PRKCB: variants seen among roughly 807,000 people sequenced by gnomAD.
PRKCB encodes protein kinase C beta type.
In PRKCB, 13 loss-of-function variants were observed where a neutral mutation model predicts 81.5. The observed-to-expected ratio is 0.16, with a 90% confidence interval of 0.10 to 0.25. The LOEUF (loss-of-function observed/expected upper bound fraction) is 0.25, where lower values mean the gene tolerates loss of function less well. Among genes scored for constraint, PRKCB ranks in the 10% least tolerant of loss-of-function variants. The pLI is 1.00. For synonymous variants in PRKCB, 335 were observed against 321.4 expected, an observed-to-expected ratio of 1.04 and a Z score of -0.45; for missense variants, 509 against 875.7, an observed-to-expected ratio of 0.58 and a Z score of 5.29.
At chr16:24,133,536 G>A (rs1261371976) in intron 9 of PRKCB, among the ~76,000 whole-genome samples, 1 of 152,088 alleles carries the variant, frequency 6.6e-6, no homozygotes, top group Non-Finnish European at 1.5e-5. Context: ...TCCTTAGCTG[G>A]TTCCTTTTCA....
intron 2 of PRKCB, among the ~76,000 whole-genome samples, chr16:23,980,429 A>G (rs972690665): frequency 6.6e-6 from 1 of 152,350 alleles, no homozygotes; most frequent in Non-Finnish European, 1.5e-5. Flanking sequence ...TCCAACTTAA[A>G]TGCCCTTTTC....
intron 3 of PRKCB, among the ~76,000 whole-genome samples, chr16:24,021,091 T>TTTCTC (rs1965375606): frequency 1.7e-5 from 1 of 58,050 alleles, no homozygotes; most frequent in African/African-American, 7.5e-5. Flanking sequence ...TTCTTTCTTT[T>TTTCTC]TTTCTTTCTT....
At chr16:24,182,902 T>TGTGTGTGTGTGTGTG (rs56902454) in intron 13 of PRKCB, among the ~76,000 whole-genome samples, 27 of 151,530 alleles carry the variant, frequency 1.8e-4, no homozygotes, top group Non-Finnish European at 2.7e-4. Flanking sequence ...TGTGTGTGTG[T>TGTGTGTGTGTGTGTG]TTGAGACAGG....
intron 16 of PRKCB, among the ~76,000 whole-genome samples, chr16:24,209,078 G>A (rs897901280): frequency 6.6e-6 from 1 of 152,024 alleles, no homozygotes; most frequent in African/African-American, 2.4e-5. Flanking sequence ...CCTCTGGGGA[G>A]GCCCAGGCGA....
In PRKCB at chr16:24,218,388, C is replaced by CA. The variant is rs957565642; in HGVS notation, c.*3577dup. On this transcript the variant is annotated 3_prime_UTR_variant, in exon 17 of 17. Transcript: ENST00000643927. ...CAGGCTAACAGCAAGCAGGACAAGACAAAAAGGGCAGGTGGGACATGGTAG... is the reference window on the plus strand; with the variant it reads ...CAGGCTAACAGCAAGCAGGACAAGACAAAAAAGGGCAGGTGGGACATGGTAG... 11 of 985,064 alleles carry CA rather than the reference C, an allele frequency of 1.1e-5. No individual in the cohort carries two copies. In the African/African-American group the frequency reaches 1.6e-4, roughly 14 times the overall value. The allele number at this position is 985,064 out of a possible 1,614,324, so 61.0% of individuals were successfully genotyped here. A position where few individuals can be genotyped will look rare whatever the true frequency, so the allele number is the denominator to read the frequency against.
chr16:24,124,679 G>C (rs1966839566), intron 9 of PRKCB, among the ~76,000 whole-genome samples: 1 of 152,140 alleles, frequency 6.6e-6, no homozygotes, highest in Admixed American at 6.5e-5. Flanking sequence ...GACTCATTTA[G>C]TGTTGTTTTG....
At chr16:24,169,864 C>T (rs973543766) in intron 10 of PRKCB, among the ~76,000 whole-genome samples, 1 of 152,106 alleles carries the variant, frequency 6.6e-6, no homozygotes, top group Non-Finnish European at 1.5e-5. Flanking sequence ...GCAACCTCCA[C>T]CTCCCAGGTT....
intron 2 of PRKCB, among the ~76,000 whole-genome samples, chr16:23,906,292 A>G (rs1963559692): frequency 6.6e-6 from 1 of 151,596 alleles, no homozygotes; most frequent in South Asian, 2.1e-4. Context: ...GCTTATGAGA[A>G]CATTTTTATG....
At chr16:23,861,002 A>G (rs1258458260) in intron 2 of PRKCB, among the ~76,000 whole-genome samples, 1 of 152,180 alleles carries the variant, frequency 6.6e-6, no homozygotes, top group Non-Finnish European at 1.5e-5. Context: ...TAATGCATGC[A>G]AATCTCCCTT....
At chr16:24,212,403 A>T (rs1294953519) in intron 16 of PRKCB, among the ~76,000 whole-genome samples, 2 of 49,512 alleles carry the variant, frequency 4.0e-5, no homozygotes, top group Non-Finnish European at 7.2e-5. Flanking sequence ...TCTGTGCTTT[A>T]AAAAAAAAAA....
chr16:24,113,517 C>G (rs1298112387), intron 8 of PRKCB, among the ~76,000 whole-genome samples: 1 of 149,024 alleles, frequency 6.7e-6, no homozygotes, highest in Non-Finnish European at 1.5e-5. Context: ...TTCTTTCCCT[C>G]CTTCCTCCCT....
intron 9 of PRKCB, among the ~76,000 whole-genome samples, chr16:24,145,469 C>T (rs919734196): frequency 6.6e-6 from 1 of 152,084 alleles, no homozygotes; most frequent in Non-Finnish European, 1.5e-5. Context: ...AGAGGGGAAG[C>T]AGAAAACAGG....
At chr16:23,928,936 C>T (rs1006032982) in intron 2 of PRKCB, among the ~76,000 whole-genome samples, 1 of 151,978 alleles carries the variant, frequency 6.6e-6, no homozygotes, top group Non-Finnish European at 1.5e-5. Flanking sequence ...CCAGGCTGTT[C>T]CCGACCTCCT....
intron 16 of PRKCB, among the ~76,000 whole-genome samples, chr16:24,207,595 G>A (rs1307737550): frequency 6.6e-6 from 1 of 152,112 alleles, no homozygotes; most frequent in African/African-American, 2.4e-5. Flanking sequence ...TTTTAAGAAT[G>A]TTTTGCATGG....
intron 5 of PRKCB, among the ~76,000 whole-genome samples, chr16:24,091,367 C>A (rs901026847): frequency 6.6e-6 from 1 of 152,110 alleles, no homozygotes; most frequent in Non-Finnish European, 1.5e-5. Context: ...TAGTTAGAGT[C>A]GATTTGGATT....
chr16:24,000,627 C>A (rs1028938428), intron 3 of PRKCB, among the ~76,000 whole-genome samples: 2 of 151,946 alleles, frequency 1.3e-5, no homozygotes, highest in African/African-American at 4.8e-5. Context: ...ATTTCAAAGC[C>A]CTTACATGAA....
At chr16:24,067,407 C>A (rs1349465089) in intron 5 of PRKCB, among the ~76,000 whole-genome samples, 1 of 151,752 alleles carries the variant, frequency 6.6e-6, no homozygotes, top group African/African-American at 2.4e-5. Flanking sequence ...TCAAGCAATC[C>A]TCCCACCTCA....
intron 3 of PRKCB, among the ~76,000 whole-genome samples, chr16:24,001,802 A>G (rs1023032095): frequency 2.6e-5 from 4 of 152,204 alleles, no homozygotes; most frequent in African/African-American, 9.7e-5. Context: ...TTTTTAAATG[A>G]AAATGAGAGA....
chr16:24,159,925 C>A (rs1168111344), intron 10 of PRKCB, among the ~76,000 whole-genome samples: 2 of 152,046 alleles, frequency 1.3e-5, no homozygotes, highest in Non-Finnish European at 2.9e-5. Context: ...GTCAAGGCTG[C>A]AGTGAGCCAT....
Sources: gnomAD v4.1 joint callset for allele counts (sites outside exome capture counted in the v4.1 genomes callset) on GRCh38, gnomAD v4.1.1 for gene constraint, MANE v1.5 for transcripts, NCBI Gene and HGNC (gene_info 2026-07-23, HGNC 2026-07-21) for gene names.